The following PEX14 variants were observed in gnomAD, a reference collection of about 807,000 sequenced individuals.
PEX14 encodes peroxisomal biogenesis factor 14.
In PEX14, 15 loss-of-function variants were observed where a neutral mutation model predicts 49.5. That is an observed-to-expected ratio of 0.30 (90% confidence interval 0.20 to 0.47). The LOEUF is 0.47. Ranked by LOEUF, PEX14 falls within the 20% of genes least tolerant of loss-of-function variation. The pLI is 1.00. For missense variants in PEX14, 398 were observed against 494.8 expected (o/e 0.80, Z 1.86); for synonymous variants, 210 against 212.7 (o/e 0.99, Z 0.11).
Position 10,543,329 on chromosome 1 carries a change from T to C in PEX14, c.169+7032T>C, listed in dbSNP as rs139099258. Among the ~76,000 whole-genome samples the C allele has an allele frequency of 5.1e-3, 772 of 152,044 alleles. 3 individuals are homozygous for C. Among genetic ancestry groups the C allele is most frequent in the African/African-American group, 0.018 (727 of 41,462 alleles). On this transcript the variant is annotated intron_variant, in intron 3 of 8. Coordinates refer to ENST00000356607, the MANE Select transcript of PEX14 (RefSeq NM_004565.3). ...TTTGTAGTTTTTGGTAGAGATGGGGTTTTACCATCTTGGCCAGGCTGGTCT... is the reference window on the plus strand; with the variant it reads ...TTTGTAGTTTTTGGTAGAGATGGGGCTTTACCATCTTGGCCAGGCTGGTCT...
chr1:10,487,252 G>GT (rs1641386073), intron 1 of PEX14, among the ~76,000 whole-genome samples: 1 of 149,612 alleles, frequency 6.7e-6, no homozygotes, highest in Non-Finnish European at 1.5e-5. Context: ...TTATTCTATA[G>GT]TTTTTTTGTA....
At chr1:10,509,241 C>T (rs1641843695) in intron 2 of PEX14, among the ~76,000 whole-genome samples, 1 of 151,722 alleles carries the variant, frequency 6.6e-6, no homozygotes, top group Admixed American at 6.6e-5. Flanking sequence ...AGCCACCGCG[C>T]CCGGCAAAGG....
intron 1 of PEX14, among the ~76,000 whole-genome samples, chr1:10,483,484 C>T (rs1396614290): frequency 2.0e-5 from 3 of 151,916 alleles, no homozygotes; most frequent in Non-Finnish European, 4.4e-5. Context: ...GCCTGGCTAA[C>T]TTTTTATATT....
At chr1:10,596,547 C>T (rs1640838213) in intron 3 of PEX14, among the ~76,000 whole-genome samples, 1 of 152,118 alleles carries the variant, frequency 6.6e-6, no homozygotes, top group Non-Finnish European at 1.5e-5. Context: ...TAGTTTGAGT[C>T]TGCCATTTGA....
rs755357522 is a variant in PEX14, at chr1:10,629,295, C to T, written c.678-236C>T. On this transcript the variant is annotated intron_variant, in intron 8 of 8. Transcript: ENST00000356607. The surrounding 1 kb of genome is among the most constrained non-coding windows in gnomAD (Gnocchi z 8.5). ...AGATGGGCCTTGCCCAGGGTGGGGG[C>T]CCGGGGGGACCCTGGGCTGTCTGTG... Among the ~76,000 whole-genome samples, 47 of 152,188 alleles carry T rather than the reference C, an allele frequency of 3.1e-4. No individual in the cohort carries two copies. Among genetic ancestry groups the T allele is most frequent in the Non-Finnish European group, 5.3e-4 (36 of 68,012 alleles).
chr1:10,557,411 C>T (rs541267773), intron 3 of PEX14, among the ~76,000 whole-genome samples: 8 of 152,118 alleles, frequency 5.3e-5, no homozygotes, highest in Non-Finnish European at 1.0e-4. Flanking sequence ...CATGGTGAAA[C>T]CTCGTCTCTA....
intron 3 of PEX14, among the ~76,000 whole-genome samples, chr1:10,586,989 A>G (rs906922668): frequency 2.6e-5 from 4 of 151,974 alleles, no homozygotes; most frequent in African/African-American, 7.3e-5. Flanking sequence ...GTGGTATTAG[A>G]AGTTAGGTGG....
At chr1:10,561,678 A>C (rs1330399359) in intron 3 of PEX14, among the ~76,000 whole-genome samples, 1 of 152,142 alleles carries the variant, frequency 6.6e-6, no homozygotes, top group Non-Finnish European at 1.5e-5. Flanking sequence ...CTTCTTTGAG[A>C]TCATGTTATC....
At chr1:10,488,867 A>G (rs776873006) in intron 1 of PEX14, among the ~76,000 whole-genome samples, 2 of 152,050 alleles carry the variant, frequency 1.3e-5, no homozygotes, top group African/African-American at 2.4e-5. Flanking sequence ...TAAATACTTG[A>G]GTATAGTTGT....
At chr1:10,624,200 G>A (rs907182555) in intron 6 of PEX14, 140 bp from the exon 7 acceptor site, 1 of 756,204 alleles carries the variant, frequency 1.3e-6, no homozygotes, top group Admixed American at 1.8e-5. Flanking sequence ...AGATAAATTA[G>A]ATGGATTGCG....
intron 2 of PEX14, among the ~76,000 whole-genome samples, chr1:10,525,038 G>T (rs1349037301): frequency 6.6e-6 from 1 of 152,112 alleles, no homozygotes; most frequent in African/African-American, 2.4e-5. Flanking sequence ...TAGCTGTGCT[G>T]GCTAATAATA....
chr1:10,598,684 C>G (rs1440996340), intron 3 of PEX14, among the ~76,000 whole-genome samples: 1 of 152,138 alleles, frequency 6.6e-6, no homozygotes, highest in Non-Finnish European at 1.5e-5. Context: ...GTTTTATTTT[C>G]TTCTTTACAT....
chr1:10,553,604 AG>A (rs1218490335), intron 3 of PEX14, among the ~76,000 whole-genome samples: 1 of 151,176 alleles, frequency 6.6e-6, no homozygotes, highest in East Asian at 2.0e-4. Context: ...ATGATTTCTC[AG>A]GGGTAAGCCT....
chr1:10,527,858 A>G (rs1490092396), intron 2 of PEX14, among the ~76,000 whole-genome samples: 1 of 151,868 alleles, frequency 6.6e-6, no homozygotes, highest in Non-Finnish European at 1.5e-5. Context: ...TTTAGTGGAG[A>G]TGGGGTTTCG....
intron 3 of PEX14, among the ~76,000 whole-genome samples, chr1:10,568,419 G>A (rs778600298): frequency 6.2e-5 from 9 of 145,058 alleles, no homozygotes; most frequent in East Asian, 2.1e-4. Flanking sequence ...AATGGATATC[G>A]AATTATATCT....
At chr1:10,545,338 A>G (rs1019025486) in intron 3 of PEX14, among the ~76,000 whole-genome samples, 3 of 152,206 alleles carry the variant, frequency 2.0e-5, no homozygotes, top group Admixed American at 2.0e-4. Context: ...TCTTTTGGGT[A>G]CATACTTTAG....
chr1:10,596,836 G>T (rs1465318279), intron 3 of PEX14, among the ~76,000 whole-genome samples: 1 of 152,196 alleles, frequency 6.6e-6, no homozygotes, highest in Non-Finnish European at 1.5e-5. Context: ...AGAGAACCAG[G>T]GATATCAGAA....
Position 10,629,907 on chromosome 1 carries a change from G to A in PEX14, c.1054G>A (p.Gly352Ser). 2 of 1,613,470 alleles carry A rather than the reference G, an allele frequency of 1.2e-6. No individual in the cohort carries two copies. The highest frequency in any genetic ancestry group is 1.7e-6 in the Non-Finnish European group (2 of 1,179,890). ...GGGGGTGCAGAGGGAGGACCGCCGG[G>A]GCGGGGATGGGCAGATCAACGAGCA... ...CLGVQREDRR[G>S]GDGQINEQVE... Residue 352 changes from glycine (G) to serine (S), a missense_variant, in exon 9 of 9, where the codon GGC becomes AGC. By Grantham distance (56) the Gly-to-Ser change is moderately conservative. This residue lies in a region of PEX14 where 140 missense variants were observed against 155.5 expected (regional missense o/e 0.90). Coordinates refer to ENST00000356607, the MANE Select transcript of PEX14 (RefSeq NM_004565.3). This position sits in a 1 kb window ranked among gnomAD's most constrained non-coding sequence, Gnocchi z 8.5.
chr1:10,534,519 C>T lies in PEX14; in HGVS notation c.85-1694C>T, dbSNP rs145880806. Among the ~76,000 whole-genome samples the T allele has an allele frequency of 3.0e-4, 45 of 152,090 alleles. 3 individuals carry two copies. The South Asian group carries it at 6.2e-3, about 21-fold the overall frequency. ...CTTCTCCTATCTCTTCATTAAAATG[C>T]ATCAGTGTTGTAGATGTTTGTTAGA... On this transcript the variant is annotated intron_variant, in intron 2 of 8. Coordinates refer to ENST00000356607, the MANE Select transcript of PEX14 (RefSeq NM_004565.3).
Sources: allele counts gnomAD v4.1 joint callset (sites outside exome capture counted in the v4.1 genomes callset), GRCh38; gene constraint gnomAD v4.1.1; regional missense constraint gnomAD v4.1.1; non-coding constraint Gnocchi (gnomAD v3.1); transcripts MANE v1.5; gene names NCBI Gene and HGNC (gene_info 2026-07-23, HGNC 2026-07-21).